Variants in APPL1 observed in about 807,000 individuals in gnomAD.
APPL1 encodes DCC-interacting protein 13-alpha.
A neutral mutation model predicts 106.8 loss-of-function variants in APPL1; 42 were observed. The observed-to-expected ratio is 0.39, with a 90% CI of 0.31 to 0.51. The LOEUF (loss-of-function observed/expected upper bound fraction) is 0.51. APPL1 is among the 20% of genes least tolerant of loss of function. APPL1 has a pLI of 0.75. For missense variants in APPL1, 769 were observed against 858.2 expected, an observed-to-expected ratio of 0.90 and a Z score of 1.30; for synonymous variants, 263 against 281.8, an observed-to-expected ratio of 0.93 and a Z score of 0.67.
At chr3:57,255,348 G>C (rs2060829309) in intron 13 of APPL1, among the ~76,000 whole-genome samples, 1 of 152,192 alleles carries the variant, frequency 6.6e-6, no homozygotes, top group Non-Finnish European at 1.5e-5. Flanking sequence ...CTTCTAAATT[G>C]TAATCTGCTG....
At position 57,260,665 on chromosome 3, in the gene APPL1, A is replaced by G. The variant is rs754081378; in HGVS notation, c.1733A>G (p.Gln578Arg). The G allele has an allele frequency of 3.1e-6, 5 of 1,612,856 alleles. No individual in the cohort carries two copies. In the African/African-American group the frequency reaches 5.3e-5, roughly 17 times the overall value. The stretch of plus-strand genomic sequence containing the variant: ...TGTGTAGTTTTGTATGCTACACACC[A>G]GGAAAATAAGCGCCTTTTTGGATTT... ...LPCVVLYATH[Q>R]ENKRLFGFVL... is the part of the protein sequence containing the mutation. The change falls in exon 19 of 22, where the codon CAG (glutamine) becomes CGG (arginine). Residue 578 changes from glutamine (Q) to arginine (R), a missense_variant. Coordinates refer to ENST00000288266, the MANE Select transcript of APPL1 (RefSeq NM_012096.3).
At chr3:57,246,633 A>C (rs1471892838) in intron 8 of APPL1, among the ~76,000 whole-genome samples, 2 of 152,144 alleles carry the variant, frequency 1.3e-5, no homozygotes, top group African/African-American at 4.8e-5. Context: ...AACGTGCCCA[A>C]AGAGTACATC....
chr3:57,248,728 A>T, intron 10 of APPL1, among the ~76,000 whole-genome samples: 1 of 151,978 alleles, frequency 6.6e-6, no homozygotes, highest in South Asian at 2.1e-4. Flanking sequence ...AAATTAGCTG[A>T]GCATGGTGGC....
chr3:57,262,964 G>T (rs2060875314), intron 19 of APPL1, among the ~76,000 whole-genome samples: 2 of 151,370 alleles, frequency 1.3e-5, no homozygotes, highest in African/African-American at 4.9e-5. Flanking sequence ...CGATTCTCCT[G>T]CCTCAGCCTC....
At chr3:57,257,129 T>G in intron 14 of APPL1, 78 bp downstream of exon 14, 1 of 1,565,156 alleles carries the variant, frequency 6.4e-7, no homozygotes, top group Non-Finnish European at 8.8e-7. Context: ...ATGTTTGTAC[T>G]GAAACTTAAG....
In APPL1 at chr3:57,243,018, T is replaced by A. The variant is rs547015161; in HGVS notation, c.474+104T>A. 60 of 778,352 alleles carry A rather than the reference T, an allele frequency of 7.7e-5. No individual in the cohort carries two copies. The South Asian group carries it at 1.0e-3, about 13-fold the overall frequency. The allele number at this position is 778,352 out of a possible 1,614,324, so 48.2% of individuals were successfully genotyped here. On this transcript the variant is annotated intron_variant, in intron 7 of 21. Transcript: ENST00000288266. ...GCCAGCAGTTACTTTGTATGTTTTG[T>A]TATATTACTATTAGTTTATTCTTTC...
At chr3:57,249,762 A>G (rs189358674) in intron 11 of APPL1, among the ~76,000 whole-genome samples, 5 of 151,988 alleles carry the variant, frequency 3.3e-5, no homozygotes, top group African/African-American at 9.7e-5. Context: ...GCAATGTCAT[A>G]TAGTAAAGAC....
chr3:57,263,710 C>T (rs2060879747), intron 19 of APPL1, among the ~76,000 whole-genome samples: 1 of 150,046 alleles, frequency 6.7e-6, no homozygotes, highest in African/African-American at 2.4e-5. Flanking sequence ...TTTTTTCTGG[C>T]TGAATAGTAC....
chr3:57,268,038 A>G (rs2060906526), intron 20 of APPL1: 1 of 553,984 alleles, frequency 1.8e-6, no homozygotes, highest in Non-Finnish European at 3.2e-6. Context: ...GGTTGCAATG[A>G]GCCGAGATCA....
rs939061786 is a variant in APPL1 at position 57,271,293 on chromosome 3, T to G, written c.*1606T>G. 8.5e-5 allele frequency: 13 copies of G among 152,624 alleles called. No homozygotes were observed. The highest frequency in any genetic ancestry group is 2.9e-4 in the African/African-American group (12 of 41,458). The allele number at this position is 152,624 out of a possible 1,614,324, so 9.5% of individuals were successfully genotyped here. On this transcript the variant is annotated 3_prime_UTR_variant, in exon 22 of 22. Coordinates refer to ENST00000288266, the MANE Select transcript of APPL1 (RefSeq NM_012096.3). Reference sequence around the variant, plus strand: ...ATATAGGATCATGATATTCCTTCTATCCATGTGCCAAATGGGTGTAATGTT... The same window carrying G: ...ATATAGGATCATGATATTCCTTCTAGCCATGTGCCAAATGGGTGTAATGTT...
chr3:57,233,020 AAAAAAC>A (rs1246050922), intron 1 of APPL1, among the ~76,000 whole-genome samples: 1 of 152,110 alleles, frequency 6.6e-6, no homozygotes, highest in African/African-American at 2.4e-5. Context: ...CCAAAAAACA[AAAAAAC>A]AAAAAAGAAA....
chr3:57,252,436 T>C, intron 12 of APPL1, 125 bp downstream of exon 12: 6 of 661,332 alleles, frequency 9.1e-6, no homozygotes, highest in Admixed American at 3.3e-5. Context: ...ATCTTTCTTT[T>C]TCTTTTTTGT....
intron 1 of APPL1, 49 bp from the exon 2 acceptor site, chr3:57,235,517 C>A: frequency 1.7e-6 from 2 of 1,195,792 alleles, no homozygotes; most frequent in Non-Finnish European, 2.4e-6. Context: ...ATTTTTCCAT[C>A]TGATTTGTAT....
rs1270399510 is a variant in APPL1 at position 57,271,888 on chromosome 3, GTTCCATTACTGTTGAACTATATGAACTA to G, written c.*2213_*2240del. On this transcript the variant is annotated 3_prime_UTR_variant, in exon 22 of 22. Coordinates refer to ENST00000288266, the MANE Select transcript of APPL1 (RefSeq NM_012096.3). ...AACAATTTTAGATGATTCAGCTTTT[GTTCCATTACTGTTGAACTATATGAACTA>G]TTCCATTACTGCAGAGATTTAAGTA... 3 of 152,108 alleles carry G rather than the reference GTTCCATTACTGTTGAACTATATGAACTA, an allele frequency of 2.0e-5. No individual in the cohort carries two copies. The highest frequency in any genetic ancestry group is 1.3e-4 in the Admixed American group (2 of 15,266). The allele number at this position is 152,108 out of a possible 1,614,324, so 9.4% of individuals were successfully genotyped here. A position where few individuals can be genotyped will look rare whatever the true frequency, so the allele number is the denominator to read the frequency against.
At chr3:57,267,506 G>C (rs185568913) in intron 19 of APPL1, among the ~76,000 whole-genome samples, 1 of 152,304 alleles carries the variant, frequency 6.6e-6, no homozygotes, top group Admixed American at 6.5e-5. Flanking sequence ...TAATGAATTT[G>C]ACATAACAAG....
chr3:57,259,194 T>G, intron 16 of APPL1, 114 bp downstream of exon 16: 1 of 821,106 alleles, frequency 1.2e-6, no homozygotes, highest in Non-Finnish European at 1.9e-6. Context: ...CTATCTTTAC[T>G]TCAGAATTTC....
chr3:57,235,895 C>T (rs1320389641), intron 2 of APPL1, among the ~76,000 whole-genome samples: 1 of 152,190 alleles, frequency 6.6e-6, no homozygotes, highest in Non-Finnish European at 1.5e-5. Flanking sequence ...AGCATCTGCC[C>T]ATTCTCCCCA....
chr3:57,250,622 G>A (rs1451955699), intron 11 of APPL1, among the ~76,000 whole-genome samples: 1 of 151,964 alleles, frequency 6.6e-6, no homozygotes, highest in African/African-American at 2.4e-5. Flanking sequence ...TAAAATAGTT[G>A]AAGAAATACT....
intron 1 of APPL1, among the ~76,000 whole-genome samples, chr3:57,229,727 TC>T (rs1229996476): frequency 6.8e-6 from 1 of 146,786 alleles, no homozygotes; most frequent in Non-Finnish European, 1.5e-5. Context: ...TTTTTTTTTT[TC>T]CTGAGACGGG....
Sources: allele counts gnomAD v4.1 joint callset (sites outside exome capture counted in the v4.1 genomes callset), GRCh38; gene constraint gnomAD v4.1.1; transcripts MANE v1.5; gene names NCBI Gene and HGNC (gene_info 2026-07-23, HGNC 2026-07-21).